Variants in INSYN2A observed in about 807,000 individuals in gnomAD.
The protein encoded by INSYN2A is family with sequence similarity 196 member A.
Under a neutral mutation model 39.4 loss-of-function variants are expected in INSYN2A, and 17 were observed. The ratio of observed to expected loss-of-function variants is 0.43; its 90% CI spans 0.30 to 0.65. The LOEUF is 0.65. Among genes scored for constraint, INSYN2A ranks in the 30% least tolerant of loss-of-function variants. The pLI is 0.14. For missense variants in INSYN2A, 595 were observed against 631.2 expected, an observed-to-expected ratio of 0.94 and a Z score of 0.61; for synonymous variants, 255 against 265.7, an observed-to-expected ratio of 0.96 and a Z score of 0.39.
In INSYN2A at chr10:127,176,101, C is replaced by T. The variant is rs139369079; in HGVS notation, c.295G>A (p.Val99Ile). Residue 99 changes from valine to isoleucine, a missense_variant, in exon 4 of 6, where the codon GTC (valine) becomes ATC (isoleucine). By Grantham distance (29) the Val-to-Ile change is conservative. This residue lies in a region of INSYN2A where 478 missense variants were observed against 467.4 expected (regional missense o/e 1.02). Coordinates refer to ENST00000522781, the MANE Select transcript of INSYN2A (RefSeq NM_001039762.3). The surrounding 1 kb of genome is among the most constrained non-coding windows in gnomAD (Gnocchi z 4.4). The stretch of plus-strand genomic sequence containing the variant: ...GTCTGCACGCCTGTGCTCTTGGTGA[C>T]GTTGGGGATGGACCTGCGTGCGGGC... ...TVPARRSIPN[V>I]TKSTGVQTSP... The T allele has an allele frequency of 4.1e-4, 668 of 1,614,126 alleles. No homozygotes were observed. The highest frequency in any genetic ancestry group is 5.3e-4 in the Non-Finnish European group (625 of 1,180,032).
intron 5 of INSYN2A, among the ~76,000 whole-genome samples, chr10:127,139,985 G>A (rs761340840): frequency 6.6e-6 from 1 of 152,198 alleles, no homozygotes; most frequent in Non-Finnish European, 1.5e-5. Context: ...ACAAGAGCCT[G>A]TCAATCGAGT....
chr10:127,139,147 T>C lies in INSYN2A; in HGVS notation c.1257-1127A>G, dbSNP rs1452625102. Among the ~76,000 whole-genome samples, 7 of 152,342 alleles carry C rather than the reference T, an allele frequency of 4.6e-5. No homozygotes were observed. The East Asian group carries it at 1.4e-3, about 29-fold the overall frequency. ...TTCAGTAAAGGCTCAGCGTTGATGA[T>C]AATGCATGAGCTCATAACATTTTAT... On this transcript the variant is annotated intron_variant, in intron 5 of 5. Coordinates refer to ENST00000522781, the MANE Select transcript of INSYN2A (RefSeq NM_001039762.3).
intron 5 of INSYN2A, among the ~76,000 whole-genome samples, chr10:127,153,540 A>G (rs964602101): frequency 2.0e-5 from 3 of 152,196 alleles, no homozygotes; most frequent in African/African-American, 4.8e-5. Flanking sequence ...TATGTTTTAC[A>G]GCCTTTCCAG....
chr10:127,157,376 G>A (rs775599334), intron 4 of INSYN2A, among the ~76,000 whole-genome samples: 13 of 152,234 alleles, frequency 8.5e-5, no homozygotes, highest in Non-Finnish European at 1.8e-4. Flanking sequence ...GGGGAGAGAT[G>A]AGGACATGTG....
At chr10:127,145,347 C>T (rs1445784555) in intron 5 of INSYN2A, among the ~76,000 whole-genome samples, 1 of 152,200 alleles carries the variant, frequency 6.6e-6, no homozygotes, top group Non-Finnish European at 1.5e-5. Context: ...GTCTATGAAG[C>T]ATATCTTATG....
chr10:127,170,288 T>C (rs1240534208), intron 4 of INSYN2A, among the ~76,000 whole-genome samples: 1 of 152,172 alleles, frequency 6.6e-6, no homozygotes, highest in Non-Finnish European at 1.5e-5. Context: ...CTCAGGGTCT[T>C]ATCACTACCT....
intron 2 of INSYN2A, among the ~76,000 whole-genome samples, chr10:127,183,448 G>C (rs1305923006): frequency 6.6e-6 from 1 of 152,164 alleles, no homozygotes; most frequent in East Asian, 1.9e-4. Flanking sequence ...ATGGTCTTCG[G>C]TTCACTGCAG....
chr10:127,179,538 C>T (rs1024704060), intron 2 of INSYN2A, among the ~76,000 whole-genome samples: 2 of 152,028 alleles, frequency 1.3e-5, no homozygotes, highest in African/African-American at 4.8e-5. Flanking sequence ...TTCTTTCTGA[C>T]GGCTGGATGA....
intron 2 of INSYN2A, among the ~76,000 whole-genome samples, chr10:127,188,421 AT>A (rs1462288305): frequency 1.3e-5 from 2 of 152,154 alleles, no homozygotes; most frequent in Non-Finnish European, 2.9e-5. Context: ...GACGCAAAAC[AT>A]TTAGAATTCT....
chr10:127,173,614 T>A (rs1426925635), intron 4 of INSYN2A, among the ~76,000 whole-genome samples: 1 of 152,200 alleles, frequency 6.6e-6, no homozygotes, highest in Non-Finnish European at 1.5e-5. Flanking sequence ...GATGTTGGCA[T>A]CTTTCTCTTT....
chr10:127,168,223 T>G (rs1403060366), intron 4 of INSYN2A, among the ~76,000 whole-genome samples: 2 of 152,168 alleles, frequency 1.3e-5, no homozygotes, highest in African/African-American at 4.8e-5. Flanking sequence ...ACCAAGTGCA[T>G]GGGAGGCTGA....
chr10:127,135,629 GA>G lies in INSYN2A; in HGVS notation c.*2207del, dbSNP rs1368584296. The stretch of plus-strand genomic sequence containing the variant: ...TAGTGACGTGTTGCAATTAAACTAT[GA>G]AATGATTTTGACAATAGTTTTTCTA... On this transcript the variant is annotated 3_prime_UTR_variant, in exon 6 of 6. Transcript: ENST00000522781. 6.6e-6 allele frequency: 1 copy of G among 152,616 alleles called. No individual in the cohort carries two copies. The highest frequency in any genetic ancestry group is 1.5e-5 in the Non-Finnish European group (1 of 68,048). 9.5% of individuals were successfully genotyped at this position (152,616 alleles called of 1,614,324 possible).
chr10:127,190,966 A>C (rs937292873), intron 2 of INSYN2A, among the ~76,000 whole-genome samples: 1 of 152,046 alleles, frequency 6.6e-6, no homozygotes. Flanking sequence ...TGTTTCAAAC[A>C]TCAACAGAGG....
At chr10:127,186,503 AACCG>A (rs1564883536) in intron 2 of INSYN2A, among the ~76,000 whole-genome samples, 16 of 18,762 alleles carry the variant, frequency 8.5e-4, no homozygotes, top group Non-Finnish European at 1.4e-3. Context: ...GCATGGGAGA[AACCG>A]CCCCCCCGCC....
At chr10:127,150,883 C>G (rs1046010452) in intron 5 of INSYN2A, among the ~76,000 whole-genome samples, 2 of 152,170 alleles carry the variant, frequency 1.3e-5, no homozygotes, top group South Asian at 4.1e-4. Context: ...CATGGCAGAT[C>G]ATTTGAAACT....
At chr10:127,160,354 C>T (rs2053491719) in intron 4 of INSYN2A, among the ~76,000 whole-genome samples, 1 of 152,188 alleles carries the variant, frequency 6.6e-6, no homozygotes, top group Non-Finnish European at 1.5e-5. Flanking sequence ...CTTAAATTCT[C>T]AATGGAAAGT....
chr10:127,139,997 T>A (rs1467885905), intron 5 of INSYN2A, among the ~76,000 whole-genome samples: 3 of 152,218 alleles, frequency 2.0e-5, no homozygotes, highest in Admixed American at 2.0e-4. Context: ...CAATCGAGTC[T>A]GTGAATATAC....
chr10:127,145,887 G>T (rs757990589), intron 5 of INSYN2A: 26 of 432,920 alleles, frequency 6.0e-5, no homozygotes, highest in South Asian at 4.5e-4. Context: ...TGTCACCAGT[G>T]ACCGGTCTAA....
In INSYN2A at chr10:127,170,025, C is replaced by A. The variant is rs1018986279; in HGVS notation, c.1184+5187G>T. Among the ~76,000 whole-genome samples the A allele has an allele frequency of 3.3e-5, 5 of 151,878 alleles. No individual in the cohort carries two copies. In the South Asian group the frequency reaches 1.1e-3, roughly 32 times the overall value. On this transcript the variant is annotated intron_variant, in intron 4 of 5. Transcript: ENST00000522781. ...GCTTCTTTTTTTACCACTGTGTGCCCGAGACTTGGGAGAGCTGGCCTCACA... is the reference window on the plus strand; with the variant it reads ...GCTTCTTTTTTTACCACTGTGTGCCAGAGACTTGGGAGAGCTGGCCTCACA...
Sources: allele counts gnomAD v4.1 joint callset (sites outside exome capture counted in the v4.1 genomes callset), GRCh38; gene constraint gnomAD v4.1.1; regional missense constraint gnomAD v4.1.1; non-coding constraint Gnocchi (gnomAD v3.1); transcripts MANE v1.5; gene names NCBI Gene and HGNC (gene_info 2026-07-23, HGNC 2026-07-21).